SLC39A11: variants seen among roughly 807,000 people sequenced by gnomAD.
SLC39A11 encodes zinc transporter ZIP11.
Under a neutral mutation model 36.1 loss-of-function variants are expected in SLC39A11, and 33 were observed. That is an observed-to-expected ratio of 0.91 (90% CI 0.69 to 1.22). SLC39A11 has a LOEUF of 1.22. SLC39A11 is among the 50% of genes most tolerant of loss of function. The pLI is 0.00. For missense variants in SLC39A11, 432 were observed against 430.3 expected, an observed-to-expected ratio of 1.00 and a Z score of -0.03; for synonymous variants, 166 against 170.3, an observed-to-expected ratio of 0.97 and a Z score of 0.20.
rs140772103 is a variant in SLC39A11, at chr17:72,934,115, G to A, written c.430+13637C>T. Among the ~76,000 whole-genome samples, 1,117 of 149,336 alleles carry A rather than the reference G, an allele frequency of 7.5e-3. 17 individuals carry two copies. Among genetic ancestry groups the A allele is most frequent in the African/African-American group, 0.026 (1,065 of 40,654 alleles). ...TAGATAGTAGACTTAAATGTAAAAC[G>A]TAAAACTTTTAGAAAAAAAAAATAG... On this transcript the variant is annotated intron_variant, in intron 5 of 9. Coordinates refer to ENST00000255559, the MANE Select transcript of SLC39A11 (RefSeq NM_139177.4).
chr17:73,082,126 G>GAAAAAAAAAAAAAAA (rs1226809670), intron 3 of SLC39A11, among the ~76,000 whole-genome samples: 1 of 117,892 alleles, frequency 8.5e-6, no homozygotes, highest in African/African-American at 3.3e-5. Context: ...TAAAAAAAAA[G>GAAAAAAAAAAAAAAA]AAAAAAAAAA....
chr17:72,839,943 G>C (rs1171698079), intron 6 of SLC39A11, among the ~76,000 whole-genome samples: 1 of 152,142 alleles, frequency 6.6e-6, no homozygotes, highest in African/African-American at 2.4e-5. Flanking sequence ...AAAAAGGCAA[G>C]AATTTCACCT....
At chr17:72,833,141 T>C (rs535572095) in intron 6 of SLC39A11, among the ~76,000 whole-genome samples, 2 of 152,362 alleles carry the variant, frequency 1.3e-5, no homozygotes, top group East Asian at 3.8e-4. Context: ...CCAGTCTCCA[T>C]TATAATCAAA....
chr17:72,882,208 T>A (rs918619422), intron 5 of SLC39A11, among the ~76,000 whole-genome samples: 1 of 151,954 alleles, frequency 6.6e-6, no homozygotes, highest in Non-Finnish European at 1.5e-5. Flanking sequence ...CAAAAAACTG[T>A]AGCCAGGCAT....
chr17:72,955,744 C>T (rs1274334259), intron 4 of SLC39A11, among the ~76,000 whole-genome samples: 1 of 152,036 alleles, frequency 6.6e-6, no homozygotes, highest in East Asian at 1.9e-4. Flanking sequence ...AACTAAATGA[C>T]AGAGGCTCCA....
chr17:72,810,703 TA>T (rs1409583764), intron 6 of SLC39A11, among the ~76,000 whole-genome samples: 11 of 151,850 alleles, frequency 7.2e-5, no homozygotes, highest in African/African-American at 2.4e-4. Context: ...TTTTTTTTTT[TA>T]AGACAAAGTC....
At chr17:72,713,152 CTT>C (rs2073184578) in intron 7 of SLC39A11, among the ~76,000 whole-genome samples, 1 of 152,144 alleles carries the variant, frequency 6.6e-6, no homozygotes, top group Non-Finnish European at 1.5e-5. Context: ...GGTGATAAGA[CTT>C]AGCCCGTGGA....
intron 7 of SLC39A11, among the ~76,000 whole-genome samples, chr17:72,670,129 G>T (rs2070942099): frequency 6.8e-6 from 1 of 147,886 alleles, no homozygotes. Flanking sequence ...TTGTTTTGTA[G>T]AGATACGTAT....
chr17:72,727,341 T>C (rs1036621141), intron 7 of SLC39A11, among the ~76,000 whole-genome samples: 2 of 152,144 alleles, frequency 1.3e-5, no homozygotes, highest in African/African-American at 4.8e-5. Flanking sequence ...AAGAAACTGC[T>C]ATGGGACCAG....
chr17:72,676,074 A>ACG (rs2071246133), intron 7 of SLC39A11, among the ~76,000 whole-genome samples: 1 of 142,876 alleles, frequency 7.0e-6, no homozygotes, highest in African/African-American at 2.6e-5. Flanking sequence ...AATGTTTCAC[A>ACG]CACACACACA....
At chr17:72,882,586 C>G (rs1018516176) in intron 5 of SLC39A11, among the ~76,000 whole-genome samples, 2 of 152,134 alleles carry the variant, frequency 1.3e-5, no homozygotes, top group Non-Finnish European at 2.9e-5. Flanking sequence ...CAGCCCTACA[C>G]AGATTGTCTT....
chr17:73,035,765 G>C (rs929998549), intron 3 of SLC39A11, among the ~76,000 whole-genome samples: 4 of 147,764 alleles, frequency 2.7e-5, no homozygotes, highest in Non-Finnish European at 4.4e-5. Flanking sequence ...TCAGGAGGCT[G>C]AGACCAGAGA....
intron 5 of SLC39A11, among the ~76,000 whole-genome samples, chr17:72,871,406 G>C (rs1012016334): frequency 1.5e-4 from 23 of 152,068 alleles, no homozygotes; most frequent in African/African-American, 5.6e-4. Context: ...CATGTGTGCG[G>C]TGCCTTTTGG....
At chr17:73,047,520 CCTAACA>C (rs1298004285) in intron 3 of SLC39A11, among the ~76,000 whole-genome samples, 11 of 152,194 alleles carry the variant, frequency 7.2e-5, no homozygotes, top group Admixed American at 2.0e-4. Flanking sequence ...TCTTAATCCT[CCTAACA>C]CTAAGAGTTA....
intron 3 of SLC39A11, among the ~76,000 whole-genome samples, chr17:73,075,085 G>T (rs2060277649): frequency 6.6e-6 from 1 of 152,062 alleles, no homozygotes; most frequent in Non-Finnish European, 1.5e-5. Context: ...ATGTCTTTTG[G>T]GACAATGACT....
At chr17:72,737,602 T>C (rs1281910101) in intron 6 of SLC39A11, among the ~76,000 whole-genome samples, 1 of 152,136 alleles carries the variant, frequency 6.6e-6, no homozygotes, top group Non-Finnish European at 1.5e-5. Context: ...TTTTCCTTCA[T>C]TCTCACCATT....
intron 6 of SLC39A11, among the ~76,000 whole-genome samples, chr17:72,775,877 C>T (rs1407000607): frequency 1.3e-5 from 2 of 152,204 alleles, no homozygotes; most frequent in African/African-American, 2.4e-5. Flanking sequence ...CGGCCGGCTT[C>T]GTATCTGCAC....
intron 7 of SLC39A11, among the ~76,000 whole-genome samples, chr17:72,702,939 C>CAAAAAAAAAAAAA (rs57566412): frequency 0.038 from 3,264 of 85,642 alleles, 180 homozygotes; most frequent in African/African-American, 0.074. Flanking sequence ...TCCATCTCAC[C>CAAAAAAAAAAAAA]AAAAAAAAAA....
intron 3 of SLC39A11, among the ~76,000 whole-genome samples, chr17:73,078,136 G>T (rs1032546284): frequency 9.2e-5 from 14 of 151,884 alleles, no homozygotes; most frequent in African/African-American, 3.4e-4. Context: ...TACTCGGGAG[G>T]CTGAGGCAGG....
Sources: gnomAD v4.1 joint callset for allele counts (sites outside exome capture counted in the v4.1 genomes callset) on GRCh38, gnomAD v4.1.1 for gene constraint, MANE v1.5 for transcripts, NCBI Gene and HGNC (gene_info 2026-07-23, HGNC 2026-07-21) for gene names.